The following XPNPEP1 variants were observed in gnomAD, a reference collection of about 807,000 sequenced individuals.
XPNPEP1 encodes X-prolyl aminopeptidase 1.
XPNPEP1 carries 39 observed loss-of-function variants against 92.4 expected under a neutral mutation model. That is an observed-to-expected ratio of 0.42 (90% CI 0.33 to 0.55). XPNPEP1 has a LOEUF of 0.55. Ranked by LOEUF, XPNPEP1 falls within the 20% of genes least tolerant of loss-of-function variation. The pLI is 0.08. For synonymous variants in XPNPEP1, 307 were observed against 299.4 expected (o/e 1.03, Z -0.26); for missense variants, 654 against 856.1 (o/e 0.76, Z 2.95).
intron 2 of XPNPEP1, among the ~76,000 whole-genome samples, chr10:109,908,999 G>A (rs985734170): frequency 1.0e-4 from 15 of 149,138 alleles, no homozygotes; most frequent in Admixed American, 5.3e-4. Context: ...GGCCGGGTGC[G>A]GTGGCTCACA....
Position 109,866,212 on chromosome 10 carries a change from A to G in XPNPEP1, c.1873-900T>C, listed in dbSNP as rs146143343. ...GCGATGTTACAGAAGTACTGCTTTC[A>G]GGGACTACAATCCAGCCAGGTACCA... On this transcript the variant is annotated intron_variant, in intron 20 of 20. Coordinates refer to ENST00000502935, the MANE Select transcript of XPNPEP1 (RefSeq NM_020383.4). 4.6e-5 allele frequency among the ~76,000 whole-genome samples: 7 copies of G among 152,334 alleles called. No individual in the cohort carries two copies. The East Asian group carries it at 1.3e-3, about 29-fold the overall frequency.
chr10:109,878,297 C>T, intron 12 of XPNPEP1: 2 of 465,258 alleles, frequency 4.3e-6, no homozygotes, highest in Non-Finnish European at 7.7e-6. Context: ...AGTATTTTAT[C>T]CTAAAACCTC....
intron 15 of XPNPEP1, among the ~76,000 whole-genome samples, chr10:109,875,031 A>G (rs1564749787): frequency 6.6e-6 from 1 of 152,262 alleles, no homozygotes; most frequent in East Asian, 1.9e-4. Flanking sequence ...TCAAGACCCA[A>G]CCAAATCTTG....
At chr10:109,882,873 C>G (rs1219031345) in intron 9 of XPNPEP1, among the ~76,000 whole-genome samples, 1 of 152,150 alleles carries the variant, frequency 6.6e-6, no homozygotes, top group African/African-American at 2.4e-5. Flanking sequence ...ACTGATGACC[C>G]TCTTCCCGTC....
intron 1 of XPNPEP1, among the ~76,000 whole-genome samples, chr10:109,917,955 A>G (rs543290764): frequency 6.6e-6 from 1 of 152,244 alleles, no homozygotes; most frequent in Admixed American, 6.5e-5. Flanking sequence ...TCTACAAAAA[A>G]TACAAAAATT....
intron 15 of XPNPEP1, among the ~76,000 whole-genome samples, chr10:109,874,966 C>T (rs1220246719): frequency 2.0e-5 from 3 of 152,112 alleles, no homozygotes; most frequent in African/African-American, 2.4e-5. Flanking sequence ...AGGCCTTGCT[C>T]GTGCCCTCTT....
intron 3 of XPNPEP1, among the ~76,000 whole-genome samples, chr10:109,900,520 C>T (rs1337793904): frequency 1.3e-5 from 2 of 152,274 alleles, no homozygotes; most frequent in African/African-American, 4.8e-5. Flanking sequence ...ACCACAAACA[C>T]TCCCAGGCTT....
intron 14 of XPNPEP1, chr10:109,875,883 G>A (rs535925123): frequency 1.4e-5 from 4 of 285,306 alleles, no homozygotes; most frequent in South Asian, 4.5e-5. Flanking sequence ...AACAAAATAG[G>A]TGTTCAAGAG....
intron 2 of XPNPEP1, among the ~76,000 whole-genome samples, chr10:109,909,829 C>T (rs1167959307): frequency 6.6e-6 from 1 of 152,138 alleles, no homozygotes; most frequent in Non-Finnish European, 1.5e-5. Context: ...CACAGCAAAA[C>T]TGAGCAGAAA....
At chr10:109,885,544 A>C (rs1848342893) in intron 8 of XPNPEP1, among the ~76,000 whole-genome samples, 2 of 152,232 alleles carry the variant, frequency 1.3e-5, no homozygotes, top group Admixed American at 6.5e-5. Context: ...CACACTTGAC[A>C]ATGTTTTGTG....
In XPNPEP1 at chr10:109,870,748, C is replaced by G; in HGVS notation, c.1679G>C (p.Gly560Ala). ...ACACTTACCATCAGTGACAATCATG[C>G]CTGCCTCCAAGGGCTCATCAGAGAA... is the stretch of plus-strand genomic sequence containing the variant. ...KTFSDEPLEA[G>A]MIVTDEPGYY... The change falls in exon 18 of 21, where the codon GGC (glycine) becomes GCC (alanine). Residue 560 changes from glycine to alanine, a missense_variant. Physicochemically the swap from Gly to Ala is moderately conservative, Grantham distance 60. Coordinates refer to ENST00000502935, the MANE Select transcript of XPNPEP1 (RefSeq NM_020383.4). 5.0e-6 allele frequency: 8 copies of G among 1,614,034 alleles called. No individual in the cohort carries two copies. Among genetic ancestry groups the G allele is most frequent in the Non-Finnish European group, 6.8e-6 (8 of 1,179,948 alleles).
chr10:109,878,000 C>T lies in XPNPEP1; in HGVS notation c.1241G>A (p.Arg414Lys). The T allele has an allele frequency of 6.2e-7, 1 of 1,614,236 alleles. No homozygotes were observed. The part of the protein sequence containing the change: ...SAADKAEEFR[R>K]QQADFVDLSF... ...TGGGTCCCCCCAAATGGATCCTTAC[C>T]TGCGAAACTCCTCAGCTTTGTCAGC... The change falls in exon 13 of 21, where the codon AGG (arginine) becomes AAG (lysine). Residue 414 changes from arginine to lysine, a missense_variant and splice_region_variant. Coordinates refer to ENST00000502935, the MANE Select transcript of XPNPEP1 (RefSeq NM_020383.4).
Position 109,888,139 on chromosome 10 carries a change from G to C in XPNPEP1, c.562C>G (p.Pro188Ala), listed in dbSNP as rs267602361. ...TTGTCAACGAGGTTCTCCTTGACAGGAATGAGGTGATGGCCGGCACTTCTC... is the reference window on the plus strand; with the variant it reads ...TTGTCAACGAGGTTCTCCTTGACAGCAATGAGGTGATGGCCGGCACTTCTC... ...VLRSAGHHLIPVKENLVDKIW... is the reference protein window; with the variant it reads ...VLRSAGHHLIAVKENLVDKIW... The change falls in exon 7 of 21, where the codon CCT (proline) becomes GCT (alanine). Residue 188 changes from proline to alanine, a missense_variant. Transcript: ENST00000502935. The C allele has an allele frequency of 2.5e-6, 4 of 1,613,964 alleles. No individual in the cohort carries two copies. The highest frequency in any genetic ancestry group is 3.4e-6 in the Non-Finnish European group (4 of 1,180,038).
intron 20 of XPNPEP1, 25 bp from the exon 21 acceptor site, chr10:109,865,337 CGGTATTCACCACTACATCTTTAACAACT>C: frequency 6.2e-7 from 1 of 1,613,774 alleles, no homozygotes; most frequent in South Asian, 1.1e-5. Flanking sequence ...AGGACAGACA[CGGTATTCACCACTACATCTTTAACAACT>C]GGCTACACAG....
chr10:109,879,191 G>A (rs530927182), intron 12 of XPNPEP1, among the ~76,000 whole-genome samples: 3 of 151,968 alleles, frequency 2.0e-5, no homozygotes, highest in South Asian at 2.1e-4. Context: ...GCAGTGAGCC[G>A]AGATCGCTCC....
chr10:109,872,209 G>A (rs528753050), intron 16 of XPNPEP1, among the ~76,000 whole-genome samples: 2 of 152,296 alleles, frequency 1.3e-5, no homozygotes, highest in South Asian at 2.1e-4. Flanking sequence ...TCTGTGCCAC[G>A]CACTATTCTA....
chr10:109,877,537 G>T, intron 14 of XPNPEP1: 1 of 514,406 alleles, frequency 1.9e-6, no homozygotes. Flanking sequence ...AAAAAGGAAA[G>T]AGGGACACCC....
chr10:109,865,102 A>G lies in XPNPEP1; in HGVS notation c.*82T>C, dbSNP rs1421277687. On this transcript the variant is annotated 3_prime_UTR_variant, in exon 21 of 21. Coordinates refer to ENST00000502935, the MANE Select transcript of XPNPEP1 (RefSeq NM_020383.4). Reference sequence around the variant, plus strand: ...AGGGGAGGTAGGGAAGAAGGAAAGGAAAGGGGAAAGATGTCAGGGATCTGC... The same window carrying G: ...AGGGGAGGTAGGGAAGAAGGAAAGGGAAGGGGAAAGATGTCAGGGATCTGC... 1.3e-6 allele frequency: 2 copies of G among 1,585,590 alleles called. No individual in the cohort carries two copies. The highest frequency in any genetic ancestry group is 1.7e-4 in the Middle Eastern group (1 of 5,958).
intron 8 of XPNPEP1, 29 bp from the exon 9 acceptor site, chr10:109,884,177 C>A: frequency 1.2e-6 from 2 of 1,608,868 alleles, no homozygotes; most frequent in Non-Finnish European, 1.7e-6. Flanking sequence ...TCCCTGTCAC[C>A]TGTCTGACTT....
Sources: gnomAD v4.1 joint callset for allele counts (sites outside exome capture counted in the v4.1 genomes callset) on GRCh38, gnomAD v4.1.1 for gene constraint, MANE v1.5 for transcripts, NCBI Gene and HGNC (gene_info 2026-07-23, HGNC 2026-07-21) for gene names.